The following PLCZ1 variants were observed in gnomAD, a reference collection of about 807,000 sequenced individuals.
The protein encoded by PLCZ1 is 1-phosphatidylinositol 4,5-bisphosphate phosphodiesterase zeta-1.
Under a neutral mutation model 76.8 loss-of-function variants are expected in PLCZ1, and 64 were observed. The ratio of observed to expected loss-of-function variants is 0.83; its 90% CI spans 0.68 to 1.03. The LOEUF (loss-of-function observed/expected upper bound fraction) is 1.03. Ranked by LOEUF, PLCZ1 falls within the 50% of genes least tolerant of loss-of-function variation. The pLI, the probability that PLCZ1 is intolerant of heterozygous loss-of-function variation, is 0.00. For missense variants in PLCZ1, 751 were observed against 713.7 expected, an observed-to-expected ratio of 1.05 and a Z score of -0.60; for synonymous variants, 248 against 230.8, an observed-to-expected ratio of 1.07 and a Z score of -0.68.
chr12:18,660,476 T>G, the PLCZ1 span, among the ~76,000 whole-genome samples: 1 of 152,204 alleles, frequency 6.6e-6, no homozygotes, highest in African/African-American at 2.4e-5. Context: ...GTTTTTCTCC[T>G]TTTCCCCTTT....
At chr12:18,655,411 T>A in the PLCZ1 span, among the ~76,000 whole-genome samples, 1 of 152,156 alleles carries the variant, frequency 6.6e-6, no homozygotes, top group Non-Finnish European at 1.5e-5. Context: ...TATAAATGAA[T>A]AAATAAATAA....
the PLCZ1 span, among the ~76,000 whole-genome samples, chr12:18,666,471 C>T: frequency 4.5e-4 from 68 of 151,604 alleles, no homozygotes; most frequent in South Asian, 2.1e-3. Flanking sequence ...GATTGTTGCA[C>T]GAGACAAAGA....
intron 9 of PLCZ1, 47 bp from the exon 10 acceptor site, chr12:18,699,997 G>C (rs1565681797): frequency 6.5e-7 from 1 of 1,542,504 alleles, no homozygotes; most frequent in South Asian, 1.2e-5. Context: ...TAATCATTGG[G>C]AAAAAAAATT....
intron 9 of PLCZ1, among the ~76,000 whole-genome samples, chr12:18,700,668 C>T (rs1955774272): frequency 6.6e-6 from 1 of 152,068 alleles, no homozygotes; most frequent in South Asian, 2.1e-4. Flanking sequence ...TGAAGTTCTG[C>T]TGACTTTATG....
At chr12:18,697,501 T>C (rs1015367021) in intron 10 of PLCZ1, among the ~76,000 whole-genome samples, 2 of 152,166 alleles carry the variant, frequency 1.3e-5, no homozygotes, top group African/African-American at 4.8e-5. Flanking sequence ...GACTAAGGTC[T>C]CATAACATAA....
At chr12:18,701,331 T>G (rs1289250130) in intron 9 of PLCZ1, among the ~76,000 whole-genome samples, 170 bp downstream of exon 9, 1 of 152,130 alleles carries the variant, frequency 6.6e-6, no homozygotes, top group Non-Finnish European at 1.5e-5. Flanking sequence ...AGAGGCAATT[T>G]AAAAAATTCA....
the PLCZ1 span, among the ~76,000 whole-genome samples, chr12:18,650,664 ATGTGTGTGTGTGTG>A: frequency 1.4e-4 from 5 of 35,608 alleles, no homozygotes; most frequent in Non-Finnish European, 1.6e-4. Context: ...TGGAATATAA[ATGTGTGTGTGTGTG>A]TGTGTGTGTG....
chr12:18,701,623 C>G (rs1955936282), intron 8 of PLCZ1, 55 bp from the exon 9 acceptor site: 2 of 1,498,872 alleles, frequency 1.3e-6, no homozygotes, highest in African/African-American at 1.5e-5. Flanking sequence ...TCCTCCTCCT[C>G]CTCCTCCTCC....
the PLCZ1 span, among the ~76,000 whole-genome samples, chr12:18,663,610 A>G: frequency 6.6e-6 from 1 of 152,100 alleles, no homozygotes; most frequent in Non-Finnish European, 1.5e-5. Context: ...TATATCCAGT[A>G]CCTAAACATA....
At chr12:18,727,576 G>T (rs948460465) in intron 3 of PLCZ1, among the ~76,000 whole-genome samples, 2 of 152,136 alleles carry the variant, frequency 1.3e-5, no homozygotes, top group African/African-American at 4.8e-5. Context: ...GTACAAAACA[G>T]AAGAGTGTAA....
chr12:18,713,059 C>T, intron 5 of PLCZ1, 73 bp from the exon 6 acceptor site: 1 of 1,562,094 alleles, frequency 6.4e-7, no homozygotes, highest in Non-Finnish European at 8.8e-7. Flanking sequence ...TTAAAATATT[C>T]CAAAGACCAT....
At chr12:18,685,545 T>C in intron 13 of PLCZ1, 2 of 414,150 alleles carry the variant, frequency 4.8e-6, no homozygotes, top group East Asian at 6.0e-5. Context: ...TTTCTATGGT[T>C]CACCTGTGGT....
the PLCZ1 span, among the ~76,000 whole-genome samples, chr12:18,647,468 T>A: frequency 6.7e-6 from 1 of 148,634 alleles, no homozygotes; most frequent in Non-Finnish European, 1.5e-5. Flanking sequence ...AAAAAAAAAA[T>A]AGTCTGCTTT....
chr12:18,650,769 A>C, the PLCZ1 span, among the ~76,000 whole-genome samples: 5 of 113,162 alleles, frequency 4.4e-5, no homozygotes, highest in East Asian at 1.4e-3. Context: ...TATATATTCC[A>C]GTCCATCAGG....
At chr12:18,678,354 T>C (rs933266662), downstream of PLCZ1, among the ~76,000 whole-genome samples, 13 of 152,074 alleles carry the variant, frequency 8.5e-5, no homozygotes, top group African/African-American at 3.1e-4. Flanking sequence ...TTCAACTTTT[T>C]TGAGATATAG....
In PLCZ1 at chr12:18,737,377, C is replaced by A; in HGVS notation, c.-6G>T. The stretch of plus-strand genomic sequence containing the variant: ...AATGGATATCTCATTTCCATAGTTT[C>A]ATGACCTGTAGAGCCGTTTCTCCTC... On this transcript the variant is annotated 5_prime_UTR_variant, in exon 2 of 15. It removes an upstream start codon present in the reference 5' UTR. Coordinates refer to ENST00000266505, the MANE Select transcript of PLCZ1 (RefSeq NM_033123.4). 1 of 1,613,824 alleles carries A rather than the reference C, an allele frequency of 6.2e-7. No individual in the cohort carries two copies. Among genetic ancestry groups the A allele is most frequent in the Non-Finnish European group, 8.5e-7 (1 of 1,179,754 alleles).
Position 18,716,373 on chromosome 12 carries a change from A to T in PLCZ1, c.569+3058T>A, listed in dbSNP as rs117112000. ...ATCAAGTCAACCTTTACAAAACTGC[A>T]TATTCAGACTACATGGTTTGGTCAC... On this transcript the variant is annotated intron_variant, in intron 5 of 14. Coordinates refer to ENST00000266505, the MANE Select transcript of PLCZ1 (RefSeq NM_033123.4). Among the ~76,000 whole-genome samples the T allele has an allele frequency of 1.7e-3, 265 of 152,276 alleles. 1 individual carries two copies. Among genetic ancestry groups the T allele is most frequent in the Admixed American group, 3.7e-3 (57 of 15,298 alleles).
intron 3 of PLCZ1, among the ~76,000 whole-genome samples, chr12:18,735,505 A>G (rs1959197781): frequency 1.3e-5 from 2 of 152,082 alleles, no homozygotes; most frequent in African/African-American, 4.8e-5. Context: ...CTCTCAAAGC[A>G]TTGGGATTAC....
At chr12:18,655,750 G>A in the PLCZ1 span, among the ~76,000 whole-genome samples, 3 of 145,102 alleles carry the variant, frequency 2.1e-5, no homozygotes, top group Non-Finnish European at 3.0e-5. Context: ...ACCTTATCAT[G>A]AAAAAAAAAA....
Sources: allele counts gnomAD v4.1 joint callset (sites outside exome capture counted in the v4.1 genomes callset), GRCh38; gene constraint gnomAD v4.1.1; transcripts MANE v1.5; gene names NCBI Gene and HGNC (gene_info 2026-07-23, HGNC 2026-07-21).